The following SPTBN1 variants were observed in gnomAD, a reference collection of about 807,000 sequenced individuals.
SPTBN1 encodes spectrin beta, non-erythrocytic 1.
SPTBN1 carries 32 observed loss-of-function variants against 266.4 expected under a neutral mutation model. The observed-to-expected ratio is 0.12, with a 90% CI of 0.09 to 0.16. SPTBN1 has a LOEUF of 0.16. Ranked by LOEUF, SPTBN1 falls within the 10% of genes least tolerant of loss-of-function variation. The probability of loss-of-function intolerance (pLI) is 1.00; values close to 1 mark genes in which losing one functional copy is unlikely to be tolerated. For synonymous variants in SPTBN1, 1,336 were observed against 1,162.2 expected (o/e 1.15, Z -3.04); for missense variants, 2,296 against 3,067.1 (o/e 0.75, Z 5.94).
At chr2:54,606,663 G>A (rs1347121907) in intron 3 of SPTBN1, among the ~76,000 whole-genome samples, 1 of 152,206 alleles carries the variant, frequency 6.6e-6, no homozygotes, top group African/African-American at 2.4e-5. Flanking sequence ...AGAAATGATA[G>A]CTGATCCAGG....
At chr2:54,619,206 A>G (rs1325039760) in intron 7 of SPTBN1, among the ~76,000 whole-genome samples, 1 of 152,192 alleles carries the variant, frequency 6.6e-6, no homozygotes, top group Admixed American at 6.5e-5. Flanking sequence ...GCTTCTTGCT[A>G]TTTTCCAATG....
intron 19 of SPTBN1, among the ~76,000 whole-genome samples, chr2:54,643,479 T>A (rs1679713825): frequency 6.6e-6 from 1 of 152,208 alleles, no homozygotes; most frequent in African/African-American, 2.4e-5. Flanking sequence ...TGTGACAGAT[T>A]GCACATAATT....
At chr2:54,601,962 C>G (rs1379875403) in intron 3 of SPTBN1, among the ~76,000 whole-genome samples, 1 of 152,074 alleles carries the variant, frequency 6.6e-6, no homozygotes, top group Non-Finnish European at 1.5e-5. Context: ...TGATTTTGAA[C>G]TACTCAGCAA....
intron 1 of SPTBN1, among the ~76,000 whole-genome samples, chr2:54,503,871 C>T (rs1669408288): frequency 6.6e-6 from 1 of 152,124 alleles, no homozygotes; most frequent in African/African-American, 2.4e-5. Flanking sequence ...CTGTCATAAT[C>T]TATATATGGA....
At chr2:54,595,633 C>T (rs1450024150) in intron 2 of SPTBN1, among the ~76,000 whole-genome samples, 3 of 152,230 alleles carry the variant, frequency 2.0e-5, no homozygotes, top group Non-Finnish European at 4.4e-5. Context: ...GGCCTGAAGG[C>T]CGGCCATTTC....
chr2:54,556,681 G>A (rs1558835361), intron 2 of SPTBN1, among the ~76,000 whole-genome samples: 2 of 152,104 alleles, frequency 1.3e-5, no homozygotes, highest in East Asian at 1.9e-4. Flanking sequence ...TGGTGTGTGT[G>A]TGTGTGTTTG....
chr2:54,488,326 C>T (rs77670272), intron 1 of SPTBN1, among the ~76,000 whole-genome samples: 5,311 of 152,214 alleles, frequency 0.035, 131 homozygotes, highest in South Asian at 0.11. Flanking sequence ...AGTGGTAAGA[C>T]GAGACCAAGG....
Position 54,558,919 on chromosome 2 carries a change from T to C in SPTBN1, c.148+32353T>C. 2 of 1,602,732 alleles carry C rather than the reference T, an allele frequency of 1.2e-6. No homozygotes were observed. The highest frequency in any genetic ancestry group is 1.7e-6 in the Non-Finnish European group (2 of 1,174,334). On this transcript the variant is annotated intron_variant, in intron 2 of 35. Coordinates refer to ENST00000356805, the MANE Select transcript of SPTBN1 (RefSeq NM_003128.3). This position sits in a 1 kb window ranked among gnomAD's most constrained non-coding sequence, Gnocchi z 4.6. Reference sequence around the variant, plus strand: ...CCCCTCCCAAAGGCCGGGCCTGTCCTGGGTGCCAACGGGGGTTCTTGGAGG... The same window carrying C: ...CCCCTCCCAAAGGCCGGGCCTGTCCCGGGTGCCAACGGGGGTTCTTGGAGG...
At position 54,579,231 on chromosome 2, in the gene SPTBN1, C is replaced by G. The variant is rs146691367; in HGVS notation, c.149-19861C>G. Among the ~76,000 whole-genome samples the G allele has an allele frequency of 7.2e-3, 1,095 of 152,210 alleles. 7 individuals carry two copies. The highest frequency in any genetic ancestry group is 8.8e-3 in the Non-Finnish European group (596 of 68,028). ...CAGTGTTCTTAGCTCATAGAAGGAG[C>G]TTTGACGGCACATAGAATGAAGTAT... On this transcript the variant is annotated intron_variant, in intron 2 of 35. Transcript: ENST00000356805.
At chr2:54,584,987 A>AACAAGGCAATGTACATTGGGTACTTACAG (rs1675192746) in intron 2 of SPTBN1, among the ~76,000 whole-genome samples, 1 of 152,222 alleles carries the variant, frequency 6.6e-6, no homozygotes, top group Non-Finnish European at 1.5e-5. Flanking sequence ...GATGTTATAA[A>AACAAGGCAATGTACATTGGGTACTTACAG]GATCTGTATT....
At chr2:54,543,143 G>C (rs1573378293) in intron 2 of SPTBN1, among the ~76,000 whole-genome samples, 2 of 152,192 alleles carry the variant, frequency 1.3e-5, no homozygotes, top group African/African-American at 4.8e-5. Context: ...GATGGCTTCA[G>C]AGGCCTGGAG....
At chr2:54,666,621 C>T (rs1033766481) in intron 34 of SPTBN1, among the ~76,000 whole-genome samples, 1 of 152,238 alleles carries the variant, frequency 6.6e-6, no homozygotes, top group Non-Finnish European at 1.5e-5. Context: ...CCAAATGTCT[C>T]TACCCTGTAG....
intron 2 of SPTBN1, among the ~76,000 whole-genome samples, chr2:54,577,275 G>T (rs1021006120): frequency 6.6e-6 from 1 of 152,114 alleles, no homozygotes; most frequent in African/African-American, 2.4e-5. Context: ...GAAGGCCCCT[G>T]CAAATAAATG....
chr2:54,610,196 G>T (rs1223895810), intron 3 of SPTBN1, among the ~76,000 whole-genome samples: 1 of 151,358 alleles, frequency 6.6e-6, no homozygotes, highest in East Asian at 1.9e-4. Context: ...GAAATTATCA[G>T]ACTGGGAGCT....
At chr2:54,498,194 A>G (rs555495929) in intron 1 of SPTBN1, among the ~76,000 whole-genome samples, 18 of 152,326 alleles carry the variant, frequency 1.2e-4, no homozygotes, top group Non-Finnish European at 2.5e-4. Flanking sequence ...GTAGCAGCTA[A>G]GAGCATAGAC....
intron 32 of SPTBN1, chr2:54,662,507 C>T (rs1229222542): frequency 3.9e-5 from 7 of 179,188 alleles, no homozygotes; most frequent in African/African-American, 1.4e-4. Context: ...TTCAAGGAAA[C>T]ATCTCTCTAC....
intron 33 of SPTBN1, among the ~76,000 whole-genome samples, chr2:54,665,407 T>A (rs1394533240): frequency 9.9e-5 from 15 of 152,196 alleles, no homozygotes. Context: ...TGCCATACCA[T>A]AGGGGAAAAG....
intron 1 of SPTBN1, among the ~76,000 whole-genome samples, chr2:54,480,250 G>T (rs1363815099): frequency 2.0e-5 from 3 of 152,210 alleles, no homozygotes; most frequent in Admixed American, 1.3e-4. Context: ...ATACAGAATG[G>T]TTGGGAGGTT....
intron 10 of SPTBN1, 147 bp from the exon 11 acceptor site, chr2:54,624,657 T>C (rs1678211239): frequency 8.2e-7 from 1 of 1,212,158 alleles, no homozygotes; most frequent in Non-Finnish European, 1.1e-6. Flanking sequence ...CCTCAAGGCT[T>C]GAGAGTCAGT....
Sources: gnomAD v4.1 joint callset for allele counts (sites outside exome capture counted in the v4.1 genomes callset) on GRCh38, gnomAD v4.1.1 for gene constraint, Gnocchi (gnomAD v3.1) non-coding constraint, MANE v1.5 for transcripts, NCBI Gene and HGNC (gene_info 2026-07-23, HGNC 2026-07-21) for gene names.